NTNG2: variants seen among roughly 807,000 people sequenced by gnomAD.
NTNG2 encodes the protein netrin-G2.
Under a neutral mutation model 47.6 loss-of-function variants are expected in NTNG2, and 15 were observed. The ratio of observed to expected loss-of-function variants is 0.32; its 90% confidence interval spans 0.21 to 0.49. NTNG2 has a LOEUF of 0.49. Ranked by LOEUF, NTNG2 falls within the 20% of genes least tolerant of loss-of-function variation. NTNG2 has a pLI of 0.99. For synonymous variants in NTNG2, 307 were observed against 324.6 expected (o/e 0.95, Z 0.58); for missense variants, 578 against 764.6 (o/e 0.76, Z 2.88).
rs576454643 is a variant in NTNG2, at chr9:132,242,389, C to CT, written c.*295dup. The CT allele has an allele frequency of 0.016, 2,085 of 134,200 alleles. 47 individuals are homozygous for CT. Among genetic ancestry groups the CT allele is most frequent in the East Asian group, 0.048 (222 of 4,622 alleles). The allele number at this position is 134,200 out of a possible 1,614,324, so 8.3% of individuals were successfully genotyped here. A position where few individuals can be genotyped will look rare whatever the true frequency, so the allele number is the denominator to read the frequency against. On this transcript the variant is annotated 3_prime_UTR_variant, in exon 8 of 8. Transcript: ENST00000393229. This position sits in a 1 kb window ranked among gnomAD's most constrained non-coding sequence, Gnocchi z 5.9. ...TCCTTTTTTGTCTTTCTCTCTCTCT[C>CT]TTTTTTTTTTTTTTTTTCTGGCGGT...
Position 132,236,707 on chromosome 9 carries a change from G to A in NTNG2, c.1055-2397G>A, listed in dbSNP as rs1323697962. Among the ~76,000 whole-genome samples the A allele has an allele frequency of 6.6e-6, 1 of 152,234 alleles. No individual in the cohort carries two copies. The highest frequency in any genetic ancestry group is 2.4e-5 in the African/African-American group (1 of 41,458). ...GGGAGCCATCGCTTCCCTACCCTGG[G>A]CCAACCAGGGCACCACAGACCCCCA... On this transcript the variant is annotated intron_variant, in intron 5 of 7. Transcript: ENST00000393229. This position sits in a 1 kb window ranked among gnomAD's most constrained non-coding sequence, Gnocchi z 4.3.
chr9:132,172,722 A>T (rs1344285036), intron 2 of NTNG2, among the ~76,000 whole-genome samples: 243 of 83,450 alleles, frequency 2.9e-3, no homozygotes, highest in Middle Eastern at 7.2e-3. Flanking sequence ...TCAGGGCTGT[A>T]TTTTTTTTTT....
In NTNG2 at chr9:132,208,615, G is replaced by A. The variant is rs192084635; in HGVS notation, c.857+10006G>A. On this transcript the variant is annotated intron_variant, in intron 3 of 7. Transcript: ENST00000393229. This position sits in a 1 kb window ranked among gnomAD's most constrained non-coding sequence, Gnocchi z 4.0. Reference sequence around the variant, plus strand: ...TAGCTGATGGGAGCAGGCGGTGGGAGGCATCATGGAGGACTCCCAGGCATC... The same window carrying A: ...TAGCTGATGGGAGCAGGCGGTGGGAAGCATCATGGAGGACTCCCAGGCATC... Among the ~76,000 whole-genome samples the A allele has an allele frequency of 5.9e-4, 90 of 152,262 alleles. No individual in the cohort carries two copies. Among genetic ancestry groups the A allele is most frequent in the Non-Finnish European group, 8.4e-4 (57 of 68,016 alleles).
In NTNG2 at chr9:132,182,760, G is replaced by A. The variant is rs1251143942; in HGVS notation, c.214-15206G>A. ...GGGGCAGTCTTCTCGAAGGCCTCAA[G>A]CCCAGCGGGCAGCTATGACCCCACC... On this transcript the variant is annotated intron_variant, in intron 2 of 7. Transcript: ENST00000393229. The surrounding 1 kb of genome is among the most constrained non-coding windows in gnomAD (Gnocchi z 4.2). 2.0e-5 allele frequency among the ~76,000 whole-genome samples: 3 copies of A among 152,190 alleles called. No individual in the cohort carries two copies. The highest frequency in any genetic ancestry group is 7.2e-5 in the African/African-American group (3 of 41,448).
Position 132,215,490 on chromosome 9 carries a change from T to G in NTNG2, c.858-11359T>G, listed in dbSNP as rs56246563. 0.5 allele frequency among the ~76,000 whole-genome samples: 76,238 copies of G among 151,518 alleles called. 19,343 individuals are homozygous for G. The highest frequency in any genetic ancestry group is 0.56 in the South Asian group (2,685 of 4,816). Reference sequence around the variant, plus strand: ...AGCTACTCGGGAGGCTGAGGCAGGATAATTGCTTGAACCCAGGAGGTGGAG... The same window carrying G: ...AGCTACTCGGGAGGCTGAGGCAGGAGAATTGCTTGAACCCAGGAGGTGGAG... On this transcript the variant is annotated intron_variant, in intron 3 of 7. Coordinates refer to ENST00000393229, the MANE Select transcript of NTNG2 (RefSeq NM_032536.4). This position sits in a 1 kb window ranked among gnomAD's most constrained non-coding sequence, Gnocchi z 4.2.
intron 5 of NTNG2, among the ~76,000 whole-genome samples, chr9:132,237,892 T>C (rs1841741725): frequency 6.6e-6 from 1 of 152,158 alleles, no homozygotes; most frequent in South Asian, 2.1e-4. Flanking sequence ...GGATGCCTCA[T>C]CTCCTCATTA....
chr9:132,238,650 A>G (rs1289543807), intron 5 of NTNG2, among the ~76,000 whole-genome samples: 2 of 152,212 alleles, frequency 1.3e-5, no homozygotes, highest in Non-Finnish European at 2.9e-5. Context: ...CCATCCATGC[A>G]TTCATCTACC....
At position 132,199,783 on chromosome 9, in the gene NTNG2, T is replaced by G. The variant is rs1331985141; in HGVS notation, c.857+1174T>G. Among the ~76,000 whole-genome samples the G allele has an allele frequency of 2.0e-5, 3 of 152,178 alleles. No homozygotes were observed. In the East Asian group the frequency reaches 5.8e-4, roughly 29 times the overall value. ...CAGAAACCAGGCCGGAGTCAGATCT[T>G]TCTTTGGAATGTGCAGGGTGTGGAC... On this transcript the variant is annotated intron_variant, in intron 3 of 7. Transcript: ENST00000393229.
rs142619742 is a variant in NTNG2 at position 132,218,523 on chromosome 9, T to A, written c.858-8326T>A. Among the ~76,000 whole-genome samples the A allele has an allele frequency of 1.1e-4, 16 of 152,210 alleles. No individual in the cohort carries two copies. The East Asian group carries it at 3.1e-3, about 29-fold the overall frequency. ...TTTTTCTGGTTTTTTTGAGACCAAG[T>A]GTTGCTCTTGTCCCCCAGGCTGGAG... On this transcript the variant is annotated intron_variant, in intron 3 of 7. Transcript: ENST00000393229. The surrounding 1 kb of genome is among the most constrained non-coding windows in gnomAD (Gnocchi z 5.4).
At position 132,198,154 on chromosome 9, in the gene NTNG2, C is replaced by T. The variant is rs1382742920; in HGVS notation, c.402C>T (p.Thr134=). 3.7e-6 allele frequency: 6 copies of T among 1,613,732 alleles called. No individual in the cohort carries two copies. Among genetic ancestry groups the T allele is most frequent in the African/African-American group, 1.3e-5 (1 of 75,052 alleles). Residue 134 remains threonine, a synonymous_variant, in exon 3 of 8, where the codon ACC becomes ACT. Coordinates refer to ENST00000393229, the MANE Select transcript of NTNG2 (RefSeq NM_032536.4). ...TLSWNKTVEL[T]DDVVMTFEYG... ...CGTGGAACAAGACCGTGGAGCTGAC[C>T]GACGACGTGGTGATGACCTTCGAGT...
intron 7 of NTNG2, 41 bp downstream of exon 7, chr9:132,241,085 G>A: frequency 4.5e-6 from 7 of 1,551,092 alleles, no homozygotes; most frequent in Admixed American, 1.8e-5. Context: ...CCTGCGGAAA[G>A]GGGACGGGGC....
intron 2 of NTNG2, among the ~76,000 whole-genome samples, chr9:132,176,184 CAAAA>C (rs35497672): frequency 1.4e-5 from 2 of 144,756 alleles, no homozygotes; most frequent in Non-Finnish European, 3.1e-5. Context: ...CCCCATCTCT[CAAAA>C]AAAAAAAGTC....
At position 132,198,693 on chromosome 9, in the gene NTNG2, T is replaced by TCA. The variant is rs529506057; in HGVS notation, c.857+84_857+85insCA. The TCA allele has an allele frequency of 6.8e-5, 96 of 1,402,214 alleles. 1 individual carries two copies. In the East Asian group the frequency reaches 1.3e-3, roughly 19 times the overall value. The allele number at this position is 1,402,214 out of a possible 1,614,324, so 86.9% of individuals were successfully genotyped here. On this transcript the variant is annotated intron_variant, in intron 3 of 7. Coordinates refer to ENST00000393229, the MANE Select transcript of NTNG2 (RefSeq NM_032536.4). ...GGACGTTATTGGATACCTGGGATGT[T>TCA]ACCTGGTATGTGGAACATGACCGGG...
chr9:132,241,057 C>T lies in NTNG2; in HGVS notation c.1357+13C>T, dbSNP rs772936212. On this transcript the variant is annotated intron_variant, in intron 7 of 7. Transcript: ENST00000393229. ...CAGGGCTGCTACCGTGAGTGCGCGC[C>T]GTCCCCCGTGGGCGGGGCCTGCGGA... is the stretch of plus-strand genomic sequence containing the variant. 2.5e-6 allele frequency: 4 copies of T among 1,588,246 alleles called. No homozygotes were observed. The highest frequency in any genetic ancestry group is 1.7e-5 in the Admixed American group (1 of 58,418).
chr9:132,206,517 T>C (rs1839174008), intron 3 of NTNG2, among the ~76,000 whole-genome samples: 1 of 151,958 alleles, frequency 6.6e-6, no homozygotes, highest in South Asian at 2.1e-4. Flanking sequence ...AGATACAAAA[T>C]TTATCCAGGC....
chr9:132,165,396 C>T (rs146188409), intron 1 of NTNG2, among the ~76,000 whole-genome samples: 1 of 152,148 alleles, frequency 6.6e-6, no homozygotes, highest in Non-Finnish European at 1.5e-5. Context: ...TAGACCTACC[C>T]TCTAAGAATG....
rs949584024 is a variant in NTNG2 at position 132,218,788 on chromosome 9, C to T, written c.858-8061C>T. Among the ~76,000 whole-genome samples the T allele has an allele frequency of 9.9e-5, 15 of 152,250 alleles. No homozygotes were observed. Among genetic ancestry groups the T allele is most frequent in the Admixed American group, 1.3e-4 (2 of 15,304 alleles). On this transcript the variant is annotated intron_variant, in intron 3 of 7. Coordinates refer to ENST00000393229, the MANE Select transcript of NTNG2 (RefSeq NM_032536.4). This position sits in a 1 kb window ranked among gnomAD's most constrained non-coding sequence, Gnocchi z 5.4. ...CTGGGATTACAGGCGTGAGCCAACG[C>T]GCCCGGCCCCAATGTGATAGGTTTA... is the stretch of plus-strand genomic sequence containing the variant.
rs180695530 is a variant in NTNG2, at chr9:132,170,689, A to G, written c.213+3645A>G. Among the ~76,000 whole-genome samples the G allele has an allele frequency of 3.0e-3, 462 of 152,254 alleles. 3 individuals carry two copies. The highest frequency in any genetic ancestry group is 0.011 in the African/African-American group (445 of 41,578). On this transcript the variant is annotated intron_variant, in intron 2 of 7. Transcript: ENST00000393229. ...GACAAAAACTAGCCACCCGAGACTC[A>G]GGGGTGAGCTGACGAGCAGGTGAGA...
chr9:132,229,480 C>T (rs2130956783), intron 4 of NTNG2, among the ~76,000 whole-genome samples: 1 of 152,290 alleles, frequency 6.6e-6, no homozygotes, highest in African/African-American at 2.4e-5. Context: ...CACCACTCTG[C>T]CCCCACCTGG....
Sources: gnomAD v4.1 joint callset for allele counts (sites outside exome capture counted in the v4.1 genomes callset) on GRCh38, gnomAD v4.1.1 for gene constraint, Gnocchi (gnomAD v3.1) non-coding constraint, MANE v1.5 for transcripts, NCBI Gene and HGNC (gene_info 2026-07-23, HGNC 2026-07-21) for gene names.